The following HSD11B1 variants were observed in gnomAD, a reference collection of about 807,000 sequenced individuals.
The protein encoded by HSD11B1 is 11-beta-hydroxysteroid dehydrogenase 1.
In HSD11B1, 15 loss-of-function variants were observed where a neutral mutation model predicts 22.1. That is an observed-to-expected ratio of 0.68 (90% CI 0.45 to 1.04). The LOEUF is 1.04. HSD11B1 is among the 50% of genes least tolerant of loss of function. HSD11B1 has a pLI of 0.00. For synonymous variants in HSD11B1, 122 were observed against 125.2 expected (o/e 0.97, Z 0.17); for missense variants, 281 against 357.6 (o/e 0.79, Z 1.73).
intron 4 of HSD11B1, among the ~76,000 whole-genome samples, chr1:209,716,703 G>A (rs1487406435): frequency 6.6e-6 from 1 of 152,034 alleles, no homozygotes; most frequent in Non-Finnish European, 1.5e-5. Context: ...GGTATTGGTA[G>A]GAAAATAGAC....
At chr1:209,721,858 C>T (rs1315674040) in intron 4 of HSD11B1, among the ~76,000 whole-genome samples, 1 of 152,216 alleles carries the variant, frequency 6.6e-6, no homozygotes, top group Non-Finnish European at 1.5e-5. Context: ...CCAGCCCTCC[C>T]TGTTGCCTTT....
chr1:209,724,555 A>AG (rs1259561756), intron 4 of HSD11B1, among the ~76,000 whole-genome samples: 2 of 152,246 alleles, frequency 1.3e-5, no homozygotes, highest in Non-Finnish European at 2.9e-5. Flanking sequence ...AAATGAAAGC[A>AG]GAAAAAGTCA....
chr1:209,733,878 C>T (rs749167123), intron 5 of HSD11B1, among the ~76,000 whole-genome samples: 1 of 152,136 alleles, frequency 6.6e-6, no homozygotes, highest in Non-Finnish European at 1.5e-5. Context: ...TCTTGTGTAT[C>T]TCTTCCTTTT....
At chr1:209,703,108 T>C (rs189816054), upstream of HSD11B1, among the ~76,000 whole-genome samples, 50 of 152,214 alleles carry the variant, frequency 3.3e-4, no homozygotes, top group Non-Finnish European at 1.5e-4. Context: ...CAGTTTATCT[T>C]ACTCATTGTT....
intron 4 of HSD11B1, among the ~76,000 whole-genome samples, chr1:209,711,833 A>G (rs2076897982): frequency 6.6e-6 from 1 of 152,250 alleles, no homozygotes; most frequent in Non-Finnish European, 1.5e-5. Flanking sequence ...GTTCTGCATC[A>G]GCCCCAAAAA....
Sources: gnomAD v4.1 joint callset for allele counts (sites outside exome capture counted in the v4.1 genomes callset) on GRCh38, gnomAD v4.1.1 for gene constraint, MANE v1.5 for transcripts, NCBI Gene and HGNC (gene_info 2026-07-23, HGNC 2026-07-21) for gene names.